POLR2F: variants seen among roughly 807,000 people sequenced by gnomAD.
The protein encoded by POLR2F is RNA polymerase II, I and III subunit F.
Under a neutral mutation model 22.7 loss-of-function variants are expected in POLR2F, and 12 were observed. The ratio of observed to expected loss-of-function variants is 0.53; its 90% confidence interval spans 0.34 to 0.86. POLR2F has a LOEUF of 0.86. Ranked by LOEUF, POLR2F falls within the 40% of genes least tolerant of loss-of-function variation. The pLI is 0.02. For synonymous variants in POLR2F, 57 were observed against 66.0 expected (o/e 0.86, Z 0.66); for missense variants, 126 against 171.5 (o/e 0.73, Z 1.48).
At chr22:37,990,231 T>C (rs1932696017) in intron 1 of POLR2F, among the ~76,000 whole-genome samples, 1 of 152,186 alleles carries the variant, frequency 6.6e-6, no homozygotes, top group African/African-American at 2.4e-5. Flanking sequence ...TTCCATGGCC[T>C]GTCCCAACAG....
intron 1 of POLR2F, among the ~76,000 whole-genome samples, chr22:38,013,096 CTT>C (rs2084885913): frequency 2.7e-5 from 4 of 150,410 alleles, no homozygotes; most frequent in African/African-American, 9.8e-5. Context: ...CCTTCCCTTC[CTT>C]CCCTTCCTTC....
chr22:37,973,969 A>C, downstream of POLR2F: 1 of 1,611,794 alleles, frequency 6.2e-7, no homozygotes, highest in Non-Finnish European at 8.5e-7. Context: ...AGCTGCTCAC[A>C]TGGCCTGGGT....
chr22:37,986,225 T>G lies in POLR2F; in HGVS notation c.35T>G (p.Leu12Arg), dbSNP rs1365286276. The change falls in exon 1 of 3, where the codon CTG becomes CGG. Residue 12 changes from leucine (L) to arginine (R), a missense_variant. Physicochemically the swap from Leu to Arg is moderately radical, Grantham distance 102 (BLOSUM62 -2). Coordinates refer to the POLR2F transcript ENST00000333418. The surrounding 1 kb of genome is among the most constrained non-coding windows in gnomAD (Gnocchi z 4.7). ...GACAGAGGGACGAGGGACGAGCATC[T>G]GCCGTCGTGTCCCGGCTGCCCTGCA... The G allele has an allele frequency of 6.5e-7, 1 of 1,541,648 alleles. No individual in the cohort carries two copies. The highest frequency in any genetic ancestry group is 2.0e-5 in the Admixed American group (1 of 51,020).
chr22:37,991,265 A>C (rs1932722123), intron 1 of POLR2F, among the ~76,000 whole-genome samples: 1 of 152,058 alleles, frequency 6.6e-6, no homozygotes, highest in Non-Finnish European at 1.5e-5. Flanking sequence ...CTACCGGCGC[A>C]TGCCACCATG....
chr22:37,974,347 G>GTTTTTTTTT lies in POLR2F; in HGVS notation c.293+7178_293+7186dup, dbSNP rs916489152. 1 of 581,626 alleles carries GTTTTTTTTT rather than the reference G, an allele frequency of 1.7e-6. No homozygotes were observed. Among genetic ancestry groups the GTTTTTTTTT allele is most frequent in the African/African-American group, 2.0e-5 (1 of 49,516 alleles). 36.0% of individuals were successfully genotyped at this position (581,626 alleles called of 1,614,324 possible). On this transcript the variant is annotated intron_variant, in intron 4 of 4. Transcript: ENST00000405557. The surrounding 1 kb of genome is among the most constrained non-coding windows in gnomAD (Gnocchi z 5.4). ...TTCACATTTTGGCAGCATGAGTCGG[G>GTTTTTTTTT]TTTTTTTTTGTTTTTTTTTTTTGAG...
At chr22:38,031,314 G>A (rs997960465), downstream of POLR2F, among the ~76,000 whole-genome samples, 6 of 152,092 alleles carry the variant, frequency 3.9e-5, no homozygotes, top group African/African-American at 9.7e-5. The surrounding 1 kb of genome is among the most constrained non-coding windows in gnomAD (Gnocchi z 4.1). Context: ...TTCTTGGCAC[G>A]GAGGAGCCTA....
chr22:38,026,182 T>A (rs969698949), intron 2 of POLR2F: 14 of 532,750 alleles, frequency 2.6e-5, no homozygotes, highest in Non-Finnish European at 4.6e-5. Flanking sequence ...GAGGCTTGGT[T>A]GGTGCCTTGT....
At chr22:37,971,812 C>G (rs1160314582), downstream of POLR2F, among the ~76,000 whole-genome samples, 1 of 152,044 alleles carries the variant, frequency 6.6e-6, no homozygotes, top group Non-Finnish European at 1.5e-5. Context: ...TGCAAACTCC[C>G]GTCTGCTGAG....
At chr22:37,992,511 C>T (rs1051833097) in intron 1 of POLR2F, among the ~76,000 whole-genome samples, 1 of 152,120 alleles carries the variant, frequency 6.6e-6, no homozygotes, top group South Asian at 2.1e-4. Context: ...TCTCCTGCCT[C>T]AGCCTCCCGA....
intron 1 of POLR2F, among the ~76,000 whole-genome samples, chr22:37,996,995 C>G (rs557737736): frequency 2.6e-5 from 4 of 152,284 alleles, no homozygotes; most frequent in Non-Finnish European, 5.9e-5. Context: ...CTGTGTCCTA[C>G]TCGGGAAGGC....
chr22:38,020,206 T>TACACACACAC (rs112285508), intron 1 of POLR2F, among the ~76,000 whole-genome samples: 38 of 144,806 alleles, frequency 2.6e-4, no homozygotes, highest in African/African-American at 7.4e-4. Flanking sequence ...CACACATATA[T>TACACACACAC]ACACACACAC....
In POLR2F at chr22:38,025,560, C is replaced by T. The variant is rs1370418767; in HGVS notation, c.121-309C>T. On this transcript the variant is annotated intron_variant, in intron 1 of 2. Transcript: ENST00000333418. The stretch of plus-strand genomic sequence containing the variant: ...TCGTTTGCCTGTCCACGCCCTTCTC[C>T]CATCTCTCTCATTTCCAGACTTCTC... 5 of 1,482,772 alleles carry T rather than the reference C, an allele frequency of 3.4e-6. No homozygotes were observed. In the South Asian group the frequency reaches 7.4e-5, roughly 22 times the overall value. The allele number at this position is 1,482,772 out of a possible 1,614,324, so 91.9% of individuals were successfully genotyped here.
chr22:37,983,806 C>CGCCGCCTCG (rs1336067611), upstream of POLR2F: 2 of 1,416,708 alleles, frequency 1.4e-6, no homozygotes, highest in Non-Finnish European at 1.8e-6. The surrounding 1 kb of genome is among the most constrained non-coding windows in gnomAD (Gnocchi z 9.5). Flanking sequence ...CCGCCGCCGC[C>CGCCGCCTCG]GCCGCCTCGG....
chr22:38,019,276 C>A (rs546980627), intron 1 of POLR2F, among the ~76,000 whole-genome samples: 1 of 152,184 alleles, frequency 6.6e-6, no homozygotes, highest in African/African-American at 2.4e-5. Flanking sequence ...GCTGGTGCCG[C>A]TTCTTCAGCC....
At chr22:38,024,771 G>A (rs553889744) in intron 1 of POLR2F, among the ~76,000 whole-genome samples, 1 of 152,256 alleles carries the variant, frequency 6.6e-6, no homozygotes, top group African/African-American at 2.4e-5. Flanking sequence ...AAGGAGGCTG[G>A]CAGTGGGAGA....
At chr22:38,006,811 G>T (rs2084825686) in intron 1 of POLR2F, among the ~76,000 whole-genome samples, 1 of 152,200 alleles carries the variant, frequency 6.6e-6, no homozygotes, top group Non-Finnish European at 1.5e-5. Context: ...TCGTCTCCGA[G>T]CTCCAGCTTC....
At chr22:37,965,814 C>T (rs1173586756) in intron 3 of POLR2F, among the ~76,000 whole-genome samples, 7 of 152,166 alleles carry the variant, frequency 4.6e-5, no homozygotes, top group East Asian at 1.9e-4. Context: ...GATTCTATTC[C>T]GGGGGTCTGG....
chr22:37,968,998 G>C lies in POLR2F; in HGVS notation c.*1283G>C. The C allele has an allele frequency of 1.0e-6, 1 of 985,454 alleles. No homozygotes were observed. Among genetic ancestry groups the C allele is most frequent in the South Asian group, 4.7e-5 (1 of 21,282 alleles). 61.0% of individuals were successfully genotyped at this position (985,454 alleles called of 1,614,324 possible). ...GCTGAAATTTCAGCTCTGAAATGCC[G>C]CCTTTGTGCTGGCATCCAGGCAGCC... On this transcript the variant is annotated 3_prime_UTR_variant, in exon 5 of 5. Transcript: ENST00000442738.
In POLR2F at chr22:37,994,807, A is replaced by T. The variant is rs558599140; in HGVS notation, c.120+8495A>T. On this transcript the variant is annotated intron_variant, in intron 1 of 2. Transcript: ENST00000333418. The stretch of plus-strand genomic sequence containing the variant: ...AGGCGTGAGCCACCGCACCCGGCCA[A>T]TTTTTGTATTTTTTTGTAGAGACAG... Among the ~76,000 whole-genome samples, 366 of 151,974 alleles carry T rather than the reference A, an allele frequency of 2.4e-3. 1 individual carries two copies. Among genetic ancestry groups the T allele is most frequent in the Middle Eastern group, 0.017 (5 of 292 alleles).
Sources: allele counts gnomAD v4.1 joint callset (sites outside exome capture counted in the v4.1 genomes callset), GRCh38; gene constraint gnomAD v4.1.1; non-coding constraint Gnocchi (gnomAD v3.1); transcripts MANE v1.5; gene names NCBI Gene and HGNC (gene_info 2026-07-23, HGNC 2026-07-21).